TYW1: variants seen among roughly 807,000 people sequenced by gnomAD.
TYW1 encodes the protein tRNA-yW synthesizing protein 1 homolog.
Under a neutral mutation model 96.2 loss-of-function variants are expected in TYW1, and 46 were observed. That is an observed-to-expected ratio of 0.48 (90% CI 0.38 to 0.61). TYW1 has a LOEUF of 0.61. TYW1 is among the 20% of genes least tolerant of loss of function. TYW1 has a pLI of 0.00. For missense variants in TYW1, 684 were observed against 909.6 expected, an observed-to-expected ratio of 0.75 and a Z score of 3.19; for synonymous variants, 274 against 323.0, an observed-to-expected ratio of 0.85 and a Z score of 1.63.
chr7:67,073,536 C>G (rs1407747386), intron 10 of TYW1, among the ~76,000 whole-genome samples: 2 of 152,082 alleles, frequency 1.3e-5, no homozygotes, highest in African/African-American at 2.4e-5. Context: ...CTTTGGGAGG[C>G]TGAGGCAGGC....
chr7:67,055,923 A>C (rs1364261748), intron 9 of TYW1, 36 bp downstream of exon 9: 1 of 1,538,262 alleles, frequency 6.5e-7, no homozygotes, highest in Non-Finnish European at 9.0e-7. Flanking sequence ...TGTCTATTAC[A>C]TGCAACTTTT....
At chr7:67,154,099 T>A (rs1324175472) in intron 13 of TYW1, among the ~76,000 whole-genome samples, 1 of 151,932 alleles carries the variant, frequency 6.6e-6, no homozygotes, top group Non-Finnish European at 1.5e-5. Context: ...TTTTTTGTAT[T>A]TTTTAGTAGA....
In TYW1 at chr7:67,239,307, T is replaced by C. The variant is rs1434364206; in HGVS notation, c.*778T>C. ...TTTCTTTTTGTTCGTGAGGTCACTG[T>C]CCAGGCCTCTCATATCATGACCAGA... On this transcript the variant is annotated 3_prime_UTR_variant, in exon 16 of 16. Coordinates refer to ENST00000359626, the MANE Select transcript of TYW1 (RefSeq NM_018264.4). 4 of 985,374 alleles carry C rather than the reference T, an allele frequency of 4.1e-6. No individual in the cohort carries two copies. The East Asian group carries it at 3.4e-4, about 84-fold the overall frequency. 61.0% of individuals were successfully genotyped at this position (985,374 alleles called of 1,614,324 possible).
chr7:67,062,528 C>T (rs1185811362), intron 9 of TYW1, among the ~76,000 whole-genome samples: 1 of 145,446 alleles, frequency 6.9e-6, no homozygotes, highest in East Asian at 2.0e-4. Context: ...CCAGATGTCA[C>T]CCAGATATAG....
At position 67,210,688 on chromosome 7, in the gene TYW1, ATTCG is replaced by A. The variant is rs1563073131; in HGVS notation, c.1977+15353_1977+15356del. On this transcript the variant is annotated intron_variant, in intron 15 of 15. Transcript: ENST00000359626. ...CCATCCGTCATCTGTCTATCCATCC[ATTCG>A]TCCATCCATCCATCCATTCATCATC... Among the ~76,000 whole-genome samples, 9 of 82,324 alleles carry A rather than the reference ATTCG, an allele frequency of 1.1e-4. 1 individual carries two copies. The allele number at this position is 82,324 out of a possible 152,430, so 54.0% of individuals were successfully genotyped here.
intron 13 of TYW1, among the ~76,000 whole-genome samples, chr7:67,160,520 GTGTATACATATACATATACA>G (rs1799127342): frequency 8.0e-6 from 1 of 125,432 alleles, no homozygotes; most frequent in African/African-American, 3.1e-5. Context: ...CTTAAGGTAT[GTGTATACATATACATATACA>G]TATACATATA....
chr7:67,098,921 A>C (rs1356491707), intron 12 of TYW1, among the ~76,000 whole-genome samples: 1 of 152,220 alleles, frequency 6.6e-6, no homozygotes, highest in Non-Finnish European at 1.5e-5. Context: ...CTAGAGGCAC[A>C]GATACATCGC....
chr7:67,223,764 A>G (rs1343733916), intron 15 of TYW1, among the ~76,000 whole-genome samples: 1 of 151,820 alleles, frequency 6.6e-6, no homozygotes, highest in Non-Finnish European at 1.5e-5. Flanking sequence ...GCTGCCTGCC[A>G]TGGGGCTGAG....
At chr7:67,037,122 G>A (rs1794863385) in intron 7 of TYW1, among the ~76,000 whole-genome samples, 1 of 152,126 alleles carries the variant, frequency 6.6e-6, no homozygotes, top group Non-Finnish European at 1.5e-5. Context: ...CCTGAATTTT[G>A]GGCTGATACC....
intron 13 of TYW1, among the ~76,000 whole-genome samples, chr7:67,126,971 G>GT (rs556502985): frequency 2.4e-4 from 36 of 151,784 alleles, no homozygotes; most frequent in Non-Finnish European, 4.7e-4. Flanking sequence ...TTCTTTTGTG[G>GT]TTTTGAGTAT....
intron 13 of TYW1, among the ~76,000 whole-genome samples, chr7:67,119,001 A>T (rs1797684729): frequency 1.3e-5 from 2 of 151,664 alleles, no homozygotes; most frequent in Non-Finnish European, 2.9e-5. Flanking sequence ...CAGAATGTTC[A>T]CACTGAATGT....
chr7:67,098,549 G>A lies in TYW1; in HGVS notation c.1393G>A (p.Gly465Ser). The A allele has an allele frequency of 6.3e-7, 1 of 1,575,274 alleles. No homozygotes were observed. The highest frequency in any genetic ancestry group is 1.2e-5 in the South Asian group (1 of 86,788). The part of the protein sequence containing the change: ...NMIKQFKGVP[G>S]VKAERFEEGM... ...CTCACTGTATTCTCCAGGAGTACCGGGCGTCAAAGCAGAACGCTTTGAAGA... is the reference window on the plus strand; with the variant it reads ...CTCACTGTATTCTCCAGGAGTACCGAGCGTCAAAGCAGAACGCTTTGAAGA... The change falls in exon 12 of 16, where the codon GGC becomes AGC. Residue 465 changes from glycine (G) to serine (S), a missense_variant. Coordinates refer to ENST00000359626, the MANE Select transcript of TYW1 (RefSeq NM_018264.4).
At chr7:67,074,154 T>C (rs1365946539) in intron 10 of TYW1, among the ~76,000 whole-genome samples, 1 of 151,776 alleles carries the variant, frequency 6.6e-6, no homozygotes, top group Non-Finnish European at 1.5e-5. Context: ...GTTTGAAATA[T>C]TATAGGGTGA....
chr7:67,035,802 C>T (rs568461612), intron 7 of TYW1, among the ~76,000 whole-genome samples: 10 of 152,120 alleles, frequency 6.6e-5, no homozygotes, highest in South Asian at 4.2e-4. Context: ...TTTAGCCTCC[C>T]GAGTAGCTGG....
At chr7:67,085,876 A>G (rs1043658043) in intron 11 of TYW1, among the ~76,000 whole-genome samples, 2 of 152,046 alleles carry the variant, frequency 1.3e-5, no homozygotes, top group African/African-American at 2.4e-5. Context: ...AGGCTGAGGC[A>G]GGAGAATCTC....
At chr7:67,123,579 T>C (rs370614394) in intron 13 of TYW1, among the ~76,000 whole-genome samples, 28 of 152,286 alleles carry the variant, frequency 1.8e-4, no homozygotes, top group African/African-American at 5.8e-4. Flanking sequence ...CAGGAGAACA[T>C]TGGGGAAGGA....
intron 15 of TYW1, among the ~76,000 whole-genome samples, chr7:67,218,079 G>A (rs921804777): frequency 4.0e-5 from 6 of 151,502 alleles, no homozygotes; most frequent in Admixed American, 2.0e-4. Context: ...GGCTGGTCTC[G>A]AACTCCTGAC....
chr7:67,102,700 A>G (rs1563014699), intron 12 of TYW1, among the ~76,000 whole-genome samples: 3 of 151,802 alleles, frequency 2.0e-5, no homozygotes, highest in Non-Finnish European at 4.4e-5. Context: ...CACCCAGGCT[A>G]GAGTGCAGTG....
chr7:67,060,105 TCA>T (rs1228163792), intron 9 of TYW1, among the ~76,000 whole-genome samples: 1 of 149,788 alleles, frequency 6.7e-6, no homozygotes. Flanking sequence ...AGACTGAATC[TCA>T]CTCTGTCGCC....
Sources: allele counts gnomAD v4.1 joint callset (sites outside exome capture counted in the v4.1 genomes callset), GRCh38; gene constraint gnomAD v4.1.1; transcripts MANE v1.5; gene names NCBI Gene and HGNC (gene_info 2026-07-23, HGNC 2026-07-21).